The following NELL2 variants were observed in gnomAD, a reference collection of about 807,000 sequenced individuals.
NELL2 encodes the protein neural EGFL like 2, also known as protein kinase C-binding protein NELL2.
In NELL2, 41 loss-of-function variants were observed where a neutral mutation model predicts 109.6. The ratio of observed to expected loss-of-function variants is 0.37; its 90% confidence interval spans 0.29 to 0.49. NELL2 has a LOEUF of 0.49. NELL2 is among the 20% of genes least tolerant of loss of function. The pLI, the probability that NELL2 is intolerant of heterozygous loss-of-function variation, is 0.98. For missense variants in NELL2, 900 were observed against 1,008.3 expected, an observed-to-expected ratio of 0.89 and a Z score of 1.45; for synonymous variants, 355 against 344.7, an observed-to-expected ratio of 1.03 and a Z score of -0.33.
At chr12:44,582,946 C>A (rs554886425) in intron 15 of NELL2, among the ~76,000 whole-genome samples, 33 of 152,250 alleles carry the variant, frequency 2.2e-4, no homozygotes, top group African/African-American at 7.7e-4. Context: ...CCCCTTCTTG[C>A]TCTTGTGCTC....
chr12:44,533,553 A>T (rs143796383), intron 15 of NELL2, among the ~76,000 whole-genome samples: 13 of 152,238 alleles, frequency 8.5e-5, no homozygotes, highest in African/African-American at 2.4e-4. Context: ...CCTTTATAGA[A>T]GTAAATCACG....
At chr12:44,609,578 T>C (rs1269278307) in intron 14 of NELL2, among the ~76,000 whole-genome samples, 8 of 152,134 alleles carry the variant, frequency 5.3e-5, no homozygotes, top group African/African-American at 1.9e-4. Context: ...CTTTACATTC[T>C]AAAAGTCTAG....
At chr12:44,513,828 G>A (rs1222821667) in intron 19 of NELL2, among the ~76,000 whole-genome samples, 2 of 151,478 alleles carry the variant, frequency 1.3e-5, no homozygotes, top group African/African-American at 4.8e-5. Flanking sequence ...AGAAAACTAT[G>A]AGAGAAAAAA....
chr12:44,597,544 A>T (rs1396595395), intron 15 of NELL2, among the ~76,000 whole-genome samples: 1 of 152,204 alleles, frequency 6.6e-6, no homozygotes, highest in Non-Finnish European at 1.5e-5. Context: ...CTCATACTTA[A>T]CTTCGAATCA....
chr12:44,843,124 T>C (rs1429374001), intron 2 of NELL2, among the ~76,000 whole-genome samples: 1 of 151,550 alleles, frequency 6.6e-6, no homozygotes, highest in Admixed American at 6.6e-5. Context: ...CCAAGCTACA[T>C]ATGACAGAAA....
chr12:44,856,939 T>C (rs1944702240), intron 2 of NELL2, among the ~76,000 whole-genome samples: 1 of 152,122 alleles, frequency 6.6e-6, no homozygotes, highest in Admixed American at 6.5e-5. Context: ...GCTACTGCAG[T>C]AATCCAAGTG....
At chr12:44,814,512 C>G (rs1167994677) in intron 3 of NELL2, among the ~76,000 whole-genome samples, 1 of 152,054 alleles carries the variant, frequency 6.6e-6, no homozygotes. Context: ...AGGCCTCTCC[C>G]TGCAACCAAA....
chr12:44,801,448 G>A (rs1942826577), intron 3 of NELL2, among the ~76,000 whole-genome samples: 1 of 152,078 alleles, frequency 6.6e-6, no homozygotes, highest in Admixed American at 6.6e-5. Flanking sequence ...TTTGAGCTCT[G>A]AAGGAAGTAG....
chr12:44,733,243 G>C (rs75363717), intron 9 of NELL2, among the ~76,000 whole-genome samples: 1 of 151,906 alleles, frequency 6.6e-6, no homozygotes, highest in Non-Finnish European at 1.5e-5. Flanking sequence ...ATCTCAAAGA[G>C]ATTTTTGTGC....
At chr12:44,828,815 T>C (rs926858594) in intron 2 of NELL2, among the ~76,000 whole-genome samples, 2 of 152,158 alleles carry the variant, frequency 1.3e-5, no homozygotes, top group African/African-American at 4.8e-5. Flanking sequence ...CTGAAGACTA[T>C]TCTATTTCAT....
intron 9 of NELL2, among the ~76,000 whole-genome samples, chr12:44,732,940 T>A (rs1206030573): frequency 6.6e-6 from 1 of 152,034 alleles, no homozygotes; most frequent in Admixed American, 6.6e-5. Flanking sequence ...AATAGGTATA[T>A]GAATAGATCC....
intron 12 of NELL2, among the ~76,000 whole-genome samples, chr12:44,688,620 T>G (rs995579680): frequency 3.3e-5 from 5 of 152,226 alleles, no homozygotes; most frequent in African/African-American, 1.2e-4. Context: ...ATTCAAGTCT[T>G]CTTGGGCAAT....
chr12:44,750,129 T>C (rs1940585978), intron 9 of NELL2, among the ~76,000 whole-genome samples: 1 of 152,074 alleles, frequency 6.6e-6, no homozygotes, highest in Admixed American at 6.5e-5. Flanking sequence ...GTGTCATTCT[T>C]CAAAGAGAAA....
At chr12:44,552,993 A>G (rs1409997155) in intron 15 of NELL2, among the ~76,000 whole-genome samples, 1 of 151,890 alleles carries the variant, frequency 6.6e-6, no homozygotes, top group East Asian at 1.9e-4. Flanking sequence ...CCTAGAAACC[A>G]TCATTCTCAG....
At chr12:44,912,271 C>T (rs954887448) in intron 1 of NELL2, among the ~76,000 whole-genome samples, 13 of 151,902 alleles carry the variant, frequency 8.6e-5, no homozygotes, top group Non-Finnish European at 1.2e-4. Flanking sequence ...GGCTTTAGAC[C>T]TCATCCTATA....
intron 13 of NELL2, among the ~76,000 whole-genome samples, chr12:44,621,233 C>T (rs140323993): frequency 3.3e-5 from 5 of 152,278 alleles, no homozygotes; most frequent in African/African-American, 1.2e-4. Context: ...TCAGATCACA[C>T]AAAACTCCTT....
At chr12:44,733,674 C>T (rs1939491524) in intron 9 of NELL2, among the ~76,000 whole-genome samples, 2 of 150,310 alleles carry the variant, frequency 1.3e-5, no homozygotes, top group African/African-American at 5.0e-5. Flanking sequence ...CTGTATTGTA[C>T]ACTTATATTA....
chr12:44,883,451 G>A (rs1006222146), intron 1 of NELL2, among the ~76,000 whole-genome samples: 6 of 151,948 alleles, frequency 3.9e-5, no homozygotes, highest in African/African-American at 1.2e-4. Flanking sequence ...AGGACCCCCT[G>A]GATAATCCAG....
At chr12:44,510,180 T>C (rs1294374737) in intron 19 of NELL2, among the ~76,000 whole-genome samples, 1 of 152,236 alleles carries the variant, frequency 6.6e-6, no homozygotes, top group Non-Finnish European at 1.5e-5. Flanking sequence ...AAAACCGTGA[T>C]GATGATAATA....
Sources: gnomAD v4.1 joint callset for allele counts (sites outside exome capture counted in the v4.1 genomes callset) on GRCh38, gnomAD v4.1.1 for gene constraint, MANE v1.5 for transcripts, NCBI Gene and HGNC (gene_info 2026-07-23, HGNC 2026-07-21) for gene names.